The following CHMP4C variants were observed in gnomAD, a reference collection of about 807,000 sequenced individuals.
The protein encoded by CHMP4C is charged multivesicular body protein 4C.
CHMP4C carries 28 observed loss-of-function variants against 29.0 expected under a neutral mutation model. That is an observed-to-expected ratio of 0.97 (90% CI 0.72 to 1.32). The LOEUF is 1.32. CHMP4C is among the 40% of genes most tolerant of loss of function. The pLI is 0.00. For missense variants in CHMP4C, 291 were observed against 281.0 expected (o/e 1.04, Z -0.25); for synonymous variants, 106 against 102.4 (o/e 1.04, Z -0.21).
Position 81,758,739 on chromosome 8 carries a change from G to A in CHMP4C, c.*195G>A. The stretch of plus-strand genomic sequence containing the variant: ...GAATCAGTGATGGAGGCCAGGCACG[G>A]TATCTCATGCCTATAATCCCAGCAC... On this transcript the variant is annotated 3_prime_UTR_variant, in exon 5 of 5. Transcript: ENST00000297265. The A allele has an allele frequency of 3.6e-6, 2 of 561,844 alleles. No individual in the cohort carries two copies. Among genetic ancestry groups the A allele is most frequent in the Non-Finnish European group, 6.3e-6 (2 of 318,920 alleles). The allele number at this position is 561,844 out of a possible 1,614,324, so 34.8% of individuals were successfully genotyped here.
chr8:81,749,178 T>C (rs1343412266), intron 1 of CHMP4C, among the ~76,000 whole-genome samples: 4 of 152,028 alleles, frequency 2.6e-5, no homozygotes, highest in Admixed American at 6.5e-5. Context: ...ATTTGCACTC[T>C]GGTGTTGAAA....
intron 1 of CHMP4C, among the ~76,000 whole-genome samples, chr8:81,738,569 G>A (rs1808722573): frequency 6.6e-6 from 1 of 152,174 alleles, no homozygotes; most frequent in Non-Finnish European, 1.5e-5. Context: ...TATCATAGTT[G>A]TCATAGAGCT....
rs994193304 is a variant in CHMP4C, at chr8:81,746,533, C to T, written c.191-6531C>T. 3.3e-5 allele frequency among the ~76,000 whole-genome samples: 5 copies of T among 152,202 alleles called. No homozygotes were observed. The East Asian group carries it at 9.6e-4, about 29-fold the overall frequency. ...TTTTATAGAAGAGAAACAGTTCTCT[C>T]TTTTTCTTTCTTTCTCACAGGAGAA... On this transcript the variant is annotated intron_variant, in intron 1 of 4. Coordinates refer to ENST00000297265, the MANE Select transcript of CHMP4C (RefSeq NM_152284.4).
intron 1 of CHMP4C, among the ~76,000 whole-genome samples, chr8:81,739,339 T>C (rs955879194): frequency 4.4e-5 from 6 of 136,318 alleles, no homozygotes; most frequent in Admixed American, 8.5e-5. Context: ...GAATCAGTCA[T>C]TAAAATACAT....
At chr8:81,735,143 C>G (rs1169480463) in intron 1 of CHMP4C, among the ~76,000 whole-genome samples, 1 of 152,168 alleles carries the variant, frequency 6.6e-6, no homozygotes, top group African/African-American at 2.4e-5. Context: ...AACCTCCTGC[C>G]TGAGTCTCCC....
At chr8:81,756,286 A>T (rs1286069361) in intron 3 of CHMP4C, among the ~76,000 whole-genome samples, 1 of 152,198 alleles carries the variant, frequency 6.6e-6, no homozygotes, top group African/African-American at 2.4e-5. Context: ...CCAAAAGCTC[A>T]GGATGGGTTT....
chr8:81,753,512 A>T (rs1808935015), intron 2 of CHMP4C, among the ~76,000 whole-genome samples: 1 of 152,186 alleles, frequency 6.6e-6, no homozygotes, highest in Non-Finnish European at 1.5e-5. Context: ...TTAATTCTAC[A>T]GTTTAAAAAA....
chr8:81,746,361 G>T (rs1808823057), intron 1 of CHMP4C, among the ~76,000 whole-genome samples: 1 of 152,176 alleles, frequency 6.6e-6, no homozygotes, highest in Admixed American at 6.5e-5. Context: ...CTGCAAGGCA[G>T]CCTGGCACTG....
chr8:81,734,554 T>C (rs1808661535), intron 1 of CHMP4C, among the ~76,000 whole-genome samples: 1 of 152,156 alleles, frequency 6.6e-6, no homozygotes, highest in African/African-American at 2.4e-5. Context: ...GGTCTCGAAC[T>C]CCTGACCTCA....
chr8:81,746,489 C>A (rs1808824328), intron 1 of CHMP4C, among the ~76,000 whole-genome samples: 1 of 152,174 alleles, frequency 6.6e-6, no homozygotes, highest in African/African-American at 2.4e-5. Flanking sequence ...TGTATTGCCA[C>A]CATTGCACTA....
At chr8:81,736,361 A>G (rs886591557) in intron 1 of CHMP4C, among the ~76,000 whole-genome samples, 2 of 151,244 alleles carry the variant, frequency 1.3e-5, no homozygotes. Context: ...AGGTCTCCCT[A>G]TGTTGCCCAG....
chr8:81,759,241 G>A lies in CHMP4C; in HGVS notation c.*697G>A, dbSNP rs760730697. 1 of 152,528 alleles carries A rather than the reference G, an allele frequency of 6.6e-6. No homozygotes were observed. Among genetic ancestry groups the A allele is most frequent in the South Asian group, 2.1e-4 (1 of 4,814 alleles). 9.4% of individuals were successfully genotyped at this position (152,528 alleles called of 1,614,324 possible). ...AATTGACATTTATTATACCAATTAAGCTTGGAATGGGGCAATGGATGCATT... is the reference window on the plus strand; with the variant it reads ...AATTGACATTTATTATACCAATTAAACTTGGAATGGGGCAATGGATGCATT... On this transcript the variant is annotated 3_prime_UTR_variant, in exon 5 of 5. Coordinates refer to ENST00000297265, the MANE Select transcript of CHMP4C (RefSeq NM_152284.4).
rs756869736 is a variant in CHMP4C at position 81,732,826 on chromosome 8, G to A, written c.190+10G>A. 2 of 1,609,486 alleles carry A rather than the reference G, an allele frequency of 1.2e-6. No individual in the cohort carries two copies. Among genetic ancestry groups the A allele is most frequent in the South Asian group, 1.1e-5 (1 of 90,006 alleles). ...ACGCAGAATAAGCGAGGTAGGCTGGGGTCTGGCCCACAGGCGGGAGCCCAT... is the reference window on the plus strand; with the variant it reads ...ACGCAGAATAAGCGAGGTAGGCTGGAGTCTGGCCCACAGGCGGGAGCCCAT... On this transcript the variant is annotated intron_variant, in intron 1 of 4. Transcript: ENST00000297265.
chr8:81,750,403 C>T (rs1808884157), intron 1 of CHMP4C, among the ~76,000 whole-genome samples: 1 of 151,196 alleles, frequency 6.6e-6, no homozygotes, highest in East Asian at 2.0e-4. Flanking sequence ...GAATTTGAGA[C>T]CAGCTTGGGT....
chr8:81,743,141 C>T (rs974026474), intron 1 of CHMP4C, among the ~76,000 whole-genome samples: 1 of 151,892 alleles, frequency 6.6e-6, no homozygotes, highest in Non-Finnish European at 1.5e-5. Flanking sequence ...TTGAACTTCA[C>T]GTGTTAGAGC....
In CHMP4C at chr8:81,753,226, C is replaced by G; in HGVS notation, c.353C>G (p.Ser118Cys). The G allele has an allele frequency of 6.2e-7, 1 of 1,603,596 alleles. No homozygotes were observed. Reference sequence around the variant, plus strand: ...GGCTTTGCAGCAAAAGCGATGAAATCTGTTCATGAAAACATGTGAGTGACT... The same window carrying G: ...GGCTTTGCAGCAAAAGCGATGAAATGTGTTCATGAAAACATGTGAGTGACT... ...NMGFAAKAMK[S>C]VHENMDLNKI... The change falls in exon 2 of 5, where the codon TCT becomes TGT. Residue 118 changes from serine to cysteine, a missense_variant. Transcript: ENST00000297265.
chr8:81,758,286 T>A lies in CHMP4C; in HGVS notation c.628T>A (p.Ser210Thr), dbSNP rs1352580981. Residue 210 changes from serine (S) to threonine (T), a missense_variant, in exon 4 of 5, where the codon TCC (serine) becomes ACC (threonine). Coordinates refer to ENST00000297265, the MANE Select transcript of CHMP4C (RefSeq NM_152284.4). ...AGGCATGTCGTCCACTGCACGTCGATCCCGAGCAGGTCTGTTACCCAGCTC... is the reference window on the plus strand; with the variant it reads ...AGGCATGTCGTCCACTGCACGTCGAACCCGAGCAGGTCTGTTACCCAGCTC... ...KPGMSSTARR[S>T]RAASSQRAEE... 5.6e-6 allele frequency: 9 copies of A among 1,613,944 alleles called. 1 individual carries two copies. Among genetic ancestry groups the A allele is most frequent in the Non-Finnish European group, 7.6e-6 (9 of 1,179,912 alleles).
At position 81,734,707 on chromosome 8, in the gene CHMP4C, CAG is replaced by C. The variant is rs200508282; in HGVS notation, c.190+1894_190+1895del. 7.1e-3 allele frequency among the ~76,000 whole-genome samples: 1,085 copies of C among 152,180 alleles called. 10 individuals carry two copies. Among genetic ancestry groups the C allele is most frequent in the Non-Finnish European group, 0.01 (705 of 67,994 alleles). ...AAAAATGTAAATTTGTTTTCAAAGA[CAG>C]AGTGCAAAATAATGTGGGTTTTACT... On this transcript the variant is annotated intron_variant, in intron 1 of 4. Coordinates refer to ENST00000297265, the MANE Select transcript of CHMP4C (RefSeq NM_152284.4).
At chr8:81,746,391 C>G (rs1808823332) in intron 1 of CHMP4C, among the ~76,000 whole-genome samples, 1 of 152,216 alleles carries the variant, frequency 6.6e-6, no homozygotes, top group Admixed American at 6.5e-5. Context: ...AGTGCTGCTT[C>G]CATTAGATCA....
Sources: gnomAD v4.1 joint callset for allele counts (sites outside exome capture counted in the v4.1 genomes callset) on GRCh38, gnomAD v4.1.1 for gene constraint, MANE v1.5 for transcripts, NCBI Gene and HGNC (gene_info 2026-07-23, HGNC 2026-07-21) for gene names.